TMEM260: variants seen among roughly 807,000 people sequenced by gnomAD.
TMEM260 encodes transmembrane protein 260.
In TMEM260, 82 loss-of-function variants were observed where a neutral mutation model predicts 88.9. The ratio of observed to expected loss-of-function variants is 0.92; its 90% CI spans 0.77 to 1.11. The LOEUF is 1.11. Among genes scored for constraint, TMEM260 ranks in the 50% least tolerant of loss-of-function variants. The pLI is 0.00. For missense variants in TMEM260, 902 were observed against 853.4 expected (o/e 1.06, Z -0.71); for synonymous variants, 314 against 309.3 (o/e 1.02, Z -0.16).
chr14:56,591,610 A>G (rs1885869004), intron 3 of TMEM260, among the ~76,000 whole-genome samples: 1 of 152,238 alleles, frequency 6.6e-6, no homozygotes, highest in African/African-American at 2.4e-5. Context: ...TCCTGAATGC[A>G]AAATACATTT....
chr14:56,658,435 C>A, the TMEM260 span, among the ~76,000 whole-genome samples: 1 of 151,688 alleles, frequency 6.6e-6, no homozygotes, highest in South Asian at 2.1e-4. Flanking sequence ...TTTGTAGAGA[C>A]GGGGTTTCAC....
chr14:56,643,199 A>G (rs4901705), intron 15 of TMEM260, among the ~76,000 whole-genome samples: 53,132 of 152,034 alleles, frequency 0.35, 9,598 homozygotes, highest in Non-Finnish European at 0.41. Context: ...AGCCTGGCAG[A>G]GACACAACAA....
At chr14:56,623,375 C>T (rs1032487370) in intron 11 of TMEM260, among the ~76,000 whole-genome samples, 59 of 152,250 alleles carry the variant, frequency 3.9e-4, no homozygotes, top group African/African-American at 1.3e-3. Flanking sequence ...AAACAAAGCA[C>T]AGTGCTTCTT....
chr14:56,650,566 G>A (rs1890187420), downstream of TMEM260: 3 of 152,674 alleles, frequency 2.0e-5, no homozygotes, highest in Non-Finnish European at 2.9e-5. Context: ...AATTACTAGT[G>A]TATTATTTTG....
At chr14:56,616,526 A>G (rs1457272380) in intron 8 of TMEM260, among the ~76,000 whole-genome samples, 1 of 152,064 alleles carries the variant, frequency 6.6e-6, no homozygotes, top group East Asian at 1.9e-4. Flanking sequence ...TTCTCATACT[A>G]TAAAAATACT....
In TMEM260 at chr14:56,612,298, T is replaced by C; in HGVS notation, c.857+13T>C. 6.2e-7 allele frequency: 1 copy of C among 1,604,314 alleles called. No homozygotes were observed. Among genetic ancestry groups the C allele is most frequent in the Non-Finnish European group, 8.5e-7 (1 of 1,171,228 alleles). ...CTGAAATACTGCTGTGAGTATGAAA[T>C]ATTTGAAACTACTTTAAAATGAATT... On this transcript the variant is annotated intron_variant, in intron 7 of 15. Transcript: ENST00000261556.
chr14:56,624,562 G>A (rs921187028), intron 11 of TMEM260, among the ~76,000 whole-genome samples: 1 of 152,136 alleles, frequency 6.6e-6, no homozygotes, highest in African/African-American at 2.4e-5. Flanking sequence ...GAGTGAGACT[G>A]TCTCAAAATA....
At chr14:56,638,774 A>C (rs895851697) in intron 15 of TMEM260, among the ~76,000 whole-genome samples, 18 of 152,194 alleles carry the variant, frequency 1.2e-4, no homozygotes, top group African/African-American at 3.6e-4. Flanking sequence ...CAGAATATTA[A>C]GTTCAGGTGA....
chr14:56,580,139 C>T, intron 1 of TMEM260, 65 bp downstream of exon 1: 3 of 1,210,574 alleles, frequency 2.5e-6, no homozygotes, highest in African/African-American at 1.6e-5. Flanking sequence ...GCAGGGTCTG[C>T]GTCTGGCCCC....
chr14:56,589,778 A>C (rs2139510798), intron 3 of TMEM260, among the ~76,000 whole-genome samples: 1 of 152,320 alleles, frequency 6.6e-6, no homozygotes, highest in East Asian at 1.9e-4. Flanking sequence ...GCTGCTAAAA[A>C]TTAATTTGAT....
downstream of TMEM260, chr14:56,650,138 T>C (rs948172494): frequency 2.2e-6 from 1 of 454,314 alleles, no homozygotes; most frequent in Non-Finnish European, 4.4e-6. Context: ...TTGAGGAGAC[T>C]GTAATGGAGG....
At chr14:56,650,515 C>T (rs543747854), downstream of TMEM260, 32 of 155,418 alleles carry the variant, frequency 2.1e-4, no homozygotes, top group Non-Finnish European at 4.3e-4. Flanking sequence ...TTCAATGCTT[C>T]TGTTCTGTTA....
At chr14:56,624,383 G>C (rs1384802312) in intron 11 of TMEM260, among the ~76,000 whole-genome samples, 2 of 152,140 alleles carry the variant, frequency 1.3e-5, no homozygotes, top group Non-Finnish European at 2.9e-5. Flanking sequence ...ACACCAGCCT[G>C]GCCAACATGG....
intron 3 of TMEM260, among the ~76,000 whole-genome samples, chr14:56,598,625 A>G (rs10483672): frequency 0.029 from 4,460 of 152,340 alleles, 245 homozygotes; most frequent in African/African-American, 0.1. Flanking sequence ...TAATGAGACT[A>G]TCTTCTTACA....
intron 10 of TMEM260, among the ~76,000 whole-genome samples, chr14:56,620,255 A>C (rs1052330007): frequency 6.6e-6 from 1 of 152,192 alleles, no homozygotes; most frequent in Non-Finnish European, 1.5e-5. Flanking sequence ...ATTTACCTTT[A>C]TAACAACAAA....
intron 15 of TMEM260, among the ~76,000 whole-genome samples, chr14:56,639,816 AC>A (rs1344499249): frequency 6.6e-6 from 1 of 152,112 alleles, no homozygotes; most frequent in Non-Finnish European, 1.5e-5. Context: ...GGCTTAACAA[AC>A]GGCACACCAG....
At chr14:56,593,350 T>A (rs1885984157) in intron 3 of TMEM260, 1 of 152,184 alleles carries the variant, frequency 6.6e-6, no homozygotes, top group African/African-American at 2.4e-5. Context: ...GCCCTTCCCA[T>A]ACTATCTGTC....
intron 15 of TMEM260, 54 bp from the exon 16 acceptor site, chr14:56,647,186 GAAA>G (rs34295946): frequency 2.6e-6 from 3 of 1,160,718 alleles, no homozygotes; most frequent in Admixed American, 2.8e-5. Flanking sequence ...TTTTGTTTTT[GAAA>G]AAAAAAAAGT....
At chr14:56,596,794 A>G (rs7153343) in intron 3 of TMEM260, among the ~76,000 whole-genome samples, 1 of 136,298 alleles carries the variant, frequency 7.3e-6, no homozygotes, top group Non-Finnish European at 1.5e-5. Flanking sequence ...TAAAAAAAAA[A>G]ATATATATAT....
Sources: gnomAD v4.1 joint callset for allele counts (sites outside exome capture counted in the v4.1 genomes callset) on GRCh38, gnomAD v4.1.1 for gene constraint, MANE v1.5 for transcripts, NCBI Gene and HGNC (gene_info 2026-07-23, HGNC 2026-07-21) for gene names.